Variants in TRPC7 observed in about 807,000 individuals in gnomAD.
The protein encoded by TRPC7 is short transient receptor potential channel 7.
In TRPC7, 42 loss-of-function variants were observed where a neutral mutation model predicts 90.1. That is an observed-to-expected ratio of 0.47 (90% CI 0.36 to 0.60). TRPC7 has a LOEUF of 0.60. TRPC7 is among the 20% of genes least tolerant of loss of function. TRPC7 has a pLI of 0.00. For missense variants in TRPC7, 955 were observed against 1,112.3 expected (o/e 0.86, Z 2.01); for synonymous variants, 451 against 436.3 (o/e 1.03, Z -0.42).
intron 3 of TRPC7, among the ~76,000 whole-genome samples, chr5:136,304,452 C>T (rs1002715424): frequency 5.9e-5 from 9 of 152,168 alleles, no homozygotes; most frequent in South Asian, 4.1e-4. Flanking sequence ...TCAGAATCTG[C>T]GCCTTATCAA....
chr5:136,332,888 A>G (rs1218143621), intron 2 of TRPC7, among the ~76,000 whole-genome samples: 1 of 152,184 alleles, frequency 6.6e-6, no homozygotes, highest in Non-Finnish European at 1.5e-5. Flanking sequence ...GGTGGAAATG[A>G]TAGCATATGT....
At chr5:136,354,705 C>T (rs1760308051) in intron 2 of TRPC7, among the ~76,000 whole-genome samples, 1 of 152,224 alleles carries the variant, frequency 6.6e-6, no homozygotes, top group African/African-American at 2.4e-5. Flanking sequence ...ACAAGACAAC[C>T]TTAAAAGTGC....
At chr5:136,231,824 T>G (rs566258763) in intron 7 of TRPC7, among the ~76,000 whole-genome samples, 1 of 152,184 alleles carries the variant, frequency 6.6e-6, no homozygotes, top group Non-Finnish European at 1.5e-5. Context: ...AGGCTGGTCT[T>G]GAACTCCTGG....
intron 3 of TRPC7, among the ~76,000 whole-genome samples, chr5:136,284,609 C>G (rs1757651872): frequency 6.6e-6 from 1 of 152,172 alleles, no homozygotes; most frequent in Non-Finnish European, 1.5e-5. Context: ...CAATGCCTGT[C>G]AGAGAGACAG....
At chr5:136,269,073 G>C (rs866087323) in intron 4 of TRPC7, among the ~76,000 whole-genome samples, 2 of 152,180 alleles carry the variant, frequency 1.3e-5, no homozygotes, top group African/African-American at 4.8e-5. Flanking sequence ...CTGCAGAATC[G>C]TTAAAGCTGG....
At chr5:136,222,105 T>TA (rs1026409930) in intron 10 of TRPC7, 7 of 151,500 alleles carry the variant, frequency 4.6e-5, no homozygotes, top group Non-Finnish European at 7.4e-5. Flanking sequence ...AAAAACACAT[T>TA]AAAAAAATGG....
intron 3 of TRPC7, among the ~76,000 whole-genome samples, chr5:136,281,803 G>T (rs549069766): frequency 6.6e-6 from 1 of 152,250 alleles, no homozygotes; most frequent in East Asian, 1.9e-4. Context: ...CCAGTTTTTG[G>T]TTTACGGTGC....
intron 2 of TRPC7, among the ~76,000 whole-genome samples, chr5:136,338,108 A>G (rs932971475): frequency 2.0e-5 from 3 of 152,160 alleles, no homozygotes; most frequent in Non-Finnish European, 4.4e-5. Flanking sequence ...CTGAATTTTC[A>G]AAGCATTTAC....
At chr5:136,238,501 T>A (rs1756061755) in intron 7 of TRPC7, among the ~76,000 whole-genome samples, 1 of 152,198 alleles carries the variant, frequency 6.6e-6, no homozygotes, top group Non-Finnish European at 1.5e-5. Context: ...GCTGGTAACA[T>A]CTCAAGCTAA....
At chr5:136,280,790 T>C (rs1757524717) in intron 3 of TRPC7, among the ~76,000 whole-genome samples, 1 of 152,236 alleles carries the variant, frequency 6.6e-6, no homozygotes, top group Non-Finnish European at 1.5e-5. Context: ...GAATCACTAA[T>C]ATTTGTTGAG....
intron 3 of TRPC7, among the ~76,000 whole-genome samples, chr5:136,285,818 A>G (rs1044715142): frequency 6.6e-6 from 1 of 152,212 alleles, no homozygotes; most frequent in Non-Finnish European, 1.5e-5. Context: ...GGCTTTTGAT[A>G]GTCTAGTTCT....
At chr5:136,334,461 A>T (rs1318393281) in intron 2 of TRPC7, among the ~76,000 whole-genome samples, 1 of 152,190 alleles carries the variant, frequency 6.6e-6, no homozygotes, top group African/African-American at 2.4e-5. Context: ...CACAACACAC[A>T]TTTCACTTTG....
intron 3 of TRPC7, among the ~76,000 whole-genome samples, chr5:136,304,467 AT>A (rs1246074784): frequency 2.0e-5 from 3 of 152,094 alleles, no homozygotes; most frequent in Non-Finnish European, 4.4e-5. Flanking sequence ...TATCAACCAA[AT>A]TGTTTTGCCT....
At chr5:136,301,308 T>C (rs35681248) in intron 3 of TRPC7, among the ~76,000 whole-genome samples, 17,680 of 149,562 alleles carry the variant, frequency 0.12, 1,114 homozygotes, top group African/African-American at 0.14. Context: ...ATTATAAGCT[T>C]GAGCCACTGC....
At chr5:136,332,047 T>C (rs1013442477) in intron 2 of TRPC7, among the ~76,000 whole-genome samples, 4 of 152,028 alleles carry the variant, frequency 2.6e-5, no homozygotes, top group African/African-American at 7.3e-5. Context: ...TGAGGCTGCA[T>C]TGAGAGAGAG....
intron 2 of TRPC7, among the ~76,000 whole-genome samples, chr5:136,319,956 T>C (rs894892616): frequency 6.6e-6 from 1 of 152,188 alleles, no homozygotes; most frequent in Non-Finnish European, 1.5e-5. Flanking sequence ...ATTGATGTTT[T>C]CTAGTGTTAT....
chr5:136,224,851 A>C (rs1755576678), intron 10 of TRPC7, among the ~76,000 whole-genome samples: 1 of 152,150 alleles, frequency 6.6e-6, no homozygotes, highest in African/African-American at 2.4e-5. Flanking sequence ...CTCTGCCTGG[A>C]AGGCCATATA....
intron 3 of TRPC7, among the ~76,000 whole-genome samples, chr5:136,279,018 T>C (rs988757837): frequency 6.6e-6 from 1 of 152,112 alleles, no homozygotes; most frequent in Non-Finnish European, 1.5e-5. Flanking sequence ...TTCCTGGAAG[T>C]CTACCGGGCA....
At chr5:136,291,658 T>A (rs1204486580) in intron 3 of TRPC7, among the ~76,000 whole-genome samples, 1 of 152,138 alleles carries the variant, frequency 6.6e-6, no homozygotes, top group Non-Finnish European at 1.5e-5. Flanking sequence ...CTGAGTGACC[T>A]ACAAAGAGAC....
Sources: gnomAD v4.1 joint callset for allele counts (sites outside exome capture counted in the v4.1 genomes callset) on GRCh38, gnomAD v4.1.1 for gene constraint, MANE v1.5 for transcripts, NCBI Gene and HGNC (gene_info 2026-07-23, HGNC 2026-07-21) for gene names.